DIAPH2: variants seen among roughly 807,000 people sequenced by gnomAD.
DIAPH2 encodes protein diaphanous homolog 2.
Under a neutral mutation model 92.7 loss-of-function variants are expected in DIAPH2, and 35 were observed. The observed-to-expected ratio is 0.38, with a 90% CI of 0.29 to 0.50. The LOEUF is 0.50. Among genes scored for constraint, DIAPH2 ranks in the 20% least tolerant of loss-of-function variants. The pLI, the probability that DIAPH2 is intolerant of heterozygous loss-of-function variation, is 0.94. For synonymous variants in DIAPH2, 301 were observed against 280.4 expected, an observed-to-expected ratio of 1.07 and a Z score of -0.73; for missense variants, 701 against 819.5, an observed-to-expected ratio of 0.86 and a Z score of 1.77.
chrX:97,214,285 G>A (rs900364702), intron 22 of DIAPH2, among the ~76,000 whole-genome samples: 2 of 111,065 alleles, frequency 1.8e-5, no homozygotes, highest in African/African-American at 6.6e-5. Context: ...TTTTATCTGT[G>A]TGTGCATGTG....
At chrX:96,935,399 AT>A (rs2065650367) in intron 10 of DIAPH2, among the ~76,000 whole-genome samples, 2 of 111,566 alleles carry the variant, frequency 1.8e-5, no homozygotes, top group Non-Finnish European at 3.8e-5. Flanking sequence ...AGTTAATGTC[AT>A]TGATAGGATC....
At chrX:97,388,504 A>T (rs1241067301) in intron 25 of DIAPH2, among the ~76,000 whole-genome samples, 1 of 111,609 alleles carries the variant, frequency 9.0e-6, no homozygotes, top group Non-Finnish European at 1.9e-5. Context: ...GGTGTATGCT[A>T]ACATGCCCAG....
chrX:96,760,585 CA>C (rs1352480039), intron 4 of DIAPH2, among the ~76,000 whole-genome samples: 2 of 110,817 alleles, frequency 1.8e-5, no homozygotes, highest in Non-Finnish European at 3.8e-5. Context: ...GATCTAAAAC[CA>C]GATTTTAGAT....
At chrX:97,400,243 A>G (rs959195962) in intron 25 of DIAPH2, among the ~76,000 whole-genome samples, 6 of 112,482 alleles carry the variant, frequency 5.3e-5, no homozygotes, top group Non-Finnish European at 7.5e-5. Context: ...GTATGTGTGA[A>G]TATCCACATA....
chrX:96,997,925 G>T (rs1397987744), intron 17 of DIAPH2, among the ~76,000 whole-genome samples: 1 of 111,997 alleles, frequency 8.9e-6, no homozygotes, highest in African/African-American at 3.2e-5. Flanking sequence ...TAAAGGTGAG[G>T]TGGTGAATTT....
At chrX:97,279,297 T>A (rs1206988963) in intron 23 of DIAPH2, among the ~76,000 whole-genome samples, 2 of 108,937 alleles carry the variant, frequency 1.8e-5, no homozygotes, top group East Asian at 2.8e-4. Flanking sequence ...GTCACTGAAA[T>A]TTTTTTTTGA....
intron 4 of DIAPH2, among the ~76,000 whole-genome samples, chrX:96,773,837 ACT>A (rs1177297337): frequency 9.0e-6 from 1 of 111,174 alleles, no homozygotes; most frequent in Non-Finnish European, 1.9e-5. Flanking sequence ...ACAGAGTAAG[ACT>A]CTGTCTCAAA....
At chrX:97,464,019 G>T (rs2070484509) in intron 26 of DIAPH2, among the ~76,000 whole-genome samples, 1 of 110,522 alleles carries the variant, frequency 9.0e-6, no homozygotes, top group Non-Finnish European at 1.9e-5. Flanking sequence ...CTGCTTGGTT[G>T]TATGGAACAG....
intron 26 of DIAPH2, among the ~76,000 whole-genome samples, chrX:97,506,578 T>A (rs1263856084): frequency 9.1e-6 from 1 of 109,493 alleles, no homozygotes; most frequent in Non-Finnish European, 1.9e-5. Flanking sequence ...TATTTATCCA[T>A]GAGTTCCAAA....
intron 24 of DIAPH2, among the ~76,000 whole-genome samples, chrX:97,375,634 T>C (rs2069493217): frequency 8.9e-6 from 1 of 112,133 alleles, no homozygotes; most frequent in African/African-American, 3.2e-5. Context: ...TCCTGTTTCA[T>C]TGTCATGTTT....
At chrX:97,060,864 A>T (rs1392983240) in intron 17 of DIAPH2, among the ~76,000 whole-genome samples, 1 of 111,488 alleles carries the variant, frequency 9.0e-6, no homozygotes, top group Non-Finnish European at 1.9e-5. Context: ...TTTTTTTTTT[A>T]AGTTCTTAAA....
At chrX:97,258,889 A>AACAAC (rs1556011964) in intron 23 of DIAPH2, among the ~76,000 whole-genome samples, 1 of 102,097 alleles carries the variant, frequency 9.8e-6, no homozygotes, top group East Asian at 3.0e-4. Flanking sequence ...AAAAAAAAAA[A>AACAAC]AACAACAACA....
intron 26 of DIAPH2, among the ~76,000 whole-genome samples, chrX:97,475,632 A>C (rs771125404): frequency 2.6e-3 from 291 of 111,851 alleles, no homozygotes; most frequent in African/African-American, 9.0e-3. Context: ...TCATCTGTAG[A>C]TATTACAGAG....
intron 24 of DIAPH2, among the ~76,000 whole-genome samples, chrX:97,368,813 G>A (rs906117595): frequency 9.1e-6 from 1 of 110,086 alleles, no homozygotes; most frequent in Non-Finnish European, 1.9e-5. Flanking sequence ...TTTGTATTAG[G>A]TGCTGTAATA....
At position 97,200,142 on chromosome X, in the gene DIAPH2, G is replaced by A. The variant is rs112574339; in HGVS notation, c.2720-47573G>A. 9.5e-3 allele frequency among the ~76,000 whole-genome samples: 1,064 copies of A among 112,002 alleles called. 13 individuals carry two copies. Among genetic ancestry groups the A allele is most frequent in the African/African-American group, 0.033 (1,003 of 30,843 alleles). On this transcript the variant is annotated intron_variant, in intron 22 of 26. Transcript: ENST00000324765. ...CCCCAGCCAAGGGAAGCAGTGAGGG[G>A]CTGTGCTACCCGCCCCAGATACTAC...
chrX:96,896,229 C>A (rs956035618), intron 5 of DIAPH2, among the ~76,000 whole-genome samples: 2 of 111,489 alleles, frequency 1.8e-5, no homozygotes, highest in Non-Finnish European at 3.8e-5. Flanking sequence ...AAGATGAAAA[C>A]CACCTCATTG....
At chrX:97,407,629 G>A (rs1421532833) in intron 25 of DIAPH2, among the ~76,000 whole-genome samples, 1 of 112,085 alleles carries the variant, frequency 8.9e-6, no homozygotes, top group Non-Finnish European at 1.9e-5. Context: ...AAGAGACATA[G>A]TTAAAAACAA....
In DIAPH2 at chrX:96,983,697, G is replaced by T. The variant is rs536243719; in HGVS notation, c.2050+18490G>T. Among the ~76,000 whole-genome samples, 5 of 111,206 alleles carry T rather than the reference G, an allele frequency of 4.5e-5. No homozygotes were observed. The South Asian group carries it at 1.9e-3, about 42-fold the overall frequency. On this transcript the variant is annotated intron_variant, in intron 17 of 26. Coordinates refer to ENST00000324765, the MANE Select transcript of DIAPH2 (RefSeq NM_006729.5). ...ACTAAGGTTTATTGAGAGAGAGAGA[G>T]AATTACTTGTACAAAGTCTTTTCTG...
At chrX:97,221,805 T>G (rs1412316730) in intron 22 of DIAPH2, among the ~76,000 whole-genome samples, 1 of 111,669 alleles carries the variant, frequency 9.0e-6, no homozygotes, top group Non-Finnish European at 1.9e-5. Context: ...CAAGTTTTCA[T>G]TACACTTTTC....
Sources: gnomAD v4.1 joint callset for allele counts (sites outside exome capture counted in the v4.1 genomes callset) on GRCh38, gnomAD v4.1.1 for gene constraint, MANE v1.5 for transcripts, NCBI Gene and HGNC (gene_info 2026-07-23, HGNC 2026-07-21) for gene names.